SLC26A5: variants seen among roughly 807,000 people sequenced by gnomAD.
SLC26A5 encodes solute carrier family 26 member 5, also known as prestin.
A neutral mutation model predicts 81.0 loss-of-function variants in SLC26A5; 51 were observed. The ratio of observed to expected loss-of-function variants is 0.63; its 90% CI spans 0.50 to 0.80. SLC26A5 has a LOEUF of 0.80. Ranked by LOEUF, SLC26A5 falls within the 30% of genes least tolerant of loss-of-function variation. The pLI, the probability that SLC26A5 is intolerant of heterozygous loss-of-function variation, is 0.00. For missense variants in SLC26A5, 771 were observed against 905.8 expected (o/e 0.85, Z 1.91); for synonymous variants, 325 against 332.8 (o/e 0.98, Z 0.25).
At chr7:103,378,646 T>A in intron 16 of SLC26A5, 93 bp from the exon 17 acceptor site, 1 of 1,126,100 alleles carries the variant, frequency 8.9e-7, no homozygotes, top group Admixed American at 1.7e-5. Context: ...ATTTAACTGC[T>A]TTCTGGGTCA....
chr7:103,362,352 C>A, intron 19 of SLC26A5: 1 of 1,354,070 alleles, frequency 7.4e-7, no homozygotes, highest in Non-Finnish European at 9.5e-7. Flanking sequence ...TTTAAGGTAA[C>A]ATGGTATAGG....
intron 2 of SLC26A5, among the ~76,000 whole-genome samples, chr7:103,433,178 T>C (rs1826202643): frequency 6.6e-6 from 1 of 152,180 alleles, no homozygotes; most frequent in African/African-American, 2.4e-5. Context: ...CCAAATTTTC[T>C]TTCCAGGTTT....
intron 4 of SLC26A5, among the ~76,000 whole-genome samples, chr7:103,418,836 C>T (rs1011888148): frequency 1.3e-5 from 2 of 152,126 alleles, no homozygotes; most frequent in African/African-American, 4.8e-5. Context: ...GGTGCCTCTC[C>T]CACTACCCAA....
chr7:103,356,364 G>T (rs1243770285), intron 19 of SLC26A5, among the ~76,000 whole-genome samples: 1 of 152,076 alleles, frequency 6.6e-6, no homozygotes, highest in African/African-American at 2.4e-5. Flanking sequence ...ATTTCTGTAG[G>T]CTAGCTTACT....
intron 11 of SLC26A5, among the ~76,000 whole-genome samples, chr7:103,391,227 C>G (rs1822625893): frequency 6.6e-6 from 1 of 152,180 alleles, no homozygotes; most frequent in Admixed American, 6.5e-5. Flanking sequence ...TTCAAGTGCT[C>G]AAGAGCCACA....
Position 103,376,816 on chromosome 7 carries a change from C to A in SLC26A5, c.2033G>T (p.Gly678Val). The change falls in exon 19 of 20, where the codon GGA becomes GTA. Residue 678 changes from glycine (G) to valine (V), a missense_variant. Physicochemically the swap from Gly to Val is moderately radical, Grantham distance 109. Coordinates refer to ENST00000306312, the MANE Select transcript of SLC26A5 (RefSeq NM_198999.3). Reference sequence around the variant, plus strand: ...CTTAGAGGTATACTCACCACTGCATCCTGCTAAGTATACATATATACCGAC... The same window carrying A: ...CTTAGAGGTATACTCACCACTGCATACTGCTAAGTATACATATATACCGAC... The part of the protein sequence containing the change: ...GDVGIYVYLA[G>V]CSAQVVNDLT... 6.2e-7 allele frequency: 1 copy of A among 1,603,256 alleles called. No homozygotes were observed. Among genetic ancestry groups the A allele is most frequent in the Non-Finnish European group, 8.5e-7 (1 of 1,170,732 alleles).
intron 2 of SLC26A5, among the ~76,000 whole-genome samples, chr7:103,442,154 T>C (rs1320063507): frequency 6.6e-6 from 1 of 151,992 alleles, no homozygotes; most frequent in Non-Finnish European, 1.5e-5. Context: ...TTTTTAATTT[T>C]CTTTGAGACT....
chr7:103,382,595 C>T (rs1263153971), intron 14 of SLC26A5, among the ~76,000 whole-genome samples: 1 of 151,976 alleles, frequency 6.6e-6, no homozygotes, highest in Non-Finnish European at 1.5e-5. Context: ...AGTCATCTAC[C>T]CACCTCGGCC....
intron 19 of SLC26A5, chr7:103,353,041 T>C (rs1819813555): frequency 1.3e-6 from 1 of 767,986 alleles, no homozygotes; most frequent in Admixed American, 1.7e-5. Context: ...GGATTACAAA[T>C]AAATTTGAGC....
At chr7:103,434,426 G>GT (rs1211157464) in intron 2 of SLC26A5, among the ~76,000 whole-genome samples, 1 of 152,116 alleles carries the variant, frequency 6.6e-6, no homozygotes. Flanking sequence ...ATCTCTGCAT[G>GT]TTTTTTCATT....
chr7:103,359,087 C>G (rs1225575691), intron 19 of SLC26A5, among the ~76,000 whole-genome samples: 1 of 148,698 alleles, frequency 6.7e-6, no homozygotes, highest in Non-Finnish European at 1.5e-5. Flanking sequence ...GGGCTCCCAC[C>G]TCAGCCTCCC....
At chr7:103,398,106 C>A in intron 8 of SLC26A5, 92 bp from the exon 9 acceptor site, 1 of 953,270 alleles carries the variant, frequency 1.0e-6, no homozygotes, top group South Asian at 1.3e-5. Context: ...CAAGTCAAAT[C>A]TATTCTCACT....
intron 2 of SLC26A5, among the ~76,000 whole-genome samples, chr7:103,432,755 A>T (rs1207433618): frequency 6.6e-6 from 1 of 151,990 alleles, no homozygotes; most frequent in Non-Finnish European, 1.5e-5. Context: ...ATTCTGAGTC[A>T]TATTTAATTG....
intron 8 of SLC26A5, among the ~76,000 whole-genome samples, chr7:103,405,195 A>T (rs2116603267): frequency 6.6e-6 from 1 of 152,196 alleles, no homozygotes; most frequent in East Asian, 1.9e-4. Flanking sequence ...CCATTCGTCA[A>T]ACTCATTCTC....
intron 4 of SLC26A5, among the ~76,000 whole-genome samples, chr7:103,418,282 A>C (rs752677651): frequency 8.5e-5 from 13 of 152,296 alleles, no homozygotes; most frequent in Non-Finnish European, 1.8e-4. Context: ...TCTTACAGCC[A>C]CCATTCTAGT....
At chr7:103,377,424 T>C (rs1821433021) in intron 18 of SLC26A5, among the ~76,000 whole-genome samples, 175 bp downstream of exon 18, 1 of 152,172 alleles carries the variant, frequency 6.6e-6, no homozygotes. Flanking sequence ...TGAGTGATAG[T>C]TCACGGGGGT....
At chr7:103,392,614 G>A (rs1822753237) in intron 10 of SLC26A5, among the ~76,000 whole-genome samples, 1 of 152,168 alleles carries the variant, frequency 6.6e-6, no homozygotes, top group Non-Finnish European at 1.5e-5. Context: ...GTCTCGCTCT[G>A]TCGCCCAGGC....
chr7:103,405,825 A>C (rs991923168), intron 8 of SLC26A5, among the ~76,000 whole-genome samples: 3 of 152,078 alleles, frequency 2.0e-5, no homozygotes, highest in Non-Finnish European at 2.9e-5. Flanking sequence ...TGGGAGTTTT[A>C]TCTATAAGCC....
At chr7:103,403,197 T>C (rs538458285) in intron 8 of SLC26A5, among the ~76,000 whole-genome samples, 1 of 152,344 alleles carries the variant, frequency 6.6e-6, no homozygotes, top group South Asian at 2.1e-4. Flanking sequence ...GTGAGTTTCT[T>C]GATCGTGAGT....
Sources: gnomAD v4.1 joint callset for allele counts (sites outside exome capture counted in the v4.1 genomes callset) on GRCh38, gnomAD v4.1.1 for gene constraint, MANE v1.5 for transcripts, NCBI Gene and HGNC (gene_info 2026-07-23, HGNC 2026-07-21) for gene names.